Variants in POMGNT2 observed in about 807,000 individuals in gnomAD.
POMGNT2 encodes protein O-linked-mannose beta-1,4-N-acetylglucosaminyltransferase 2.
Under a neutral mutation model 37.8 loss-of-function variants are expected in POMGNT2, and 32 were observed. The ratio of observed to expected loss-of-function variants is 0.85; its 90% CI spans 0.64 to 1.14. POMGNT2 has a LOEUF of 1.14. Ranked by LOEUF, POMGNT2 falls within the 50% of genes most tolerant of loss-of-function variation. The probability of loss-of-function intolerance (pLI) is 0.00; values close to 1 mark genes in which losing one functional copy is unlikely to be tolerated. For missense variants in POMGNT2, 705 were observed against 780.6 expected, an observed-to-expected ratio of 0.90 and a Z score of 1.15; for synonymous variants, 340 against 336.8, an observed-to-expected ratio of 1.01 and a Z score of -0.10.
intron 1 of POMGNT2, among the ~76,000 whole-genome samples, chr3:43,094,899 G>T (rs908637416): frequency 6.6e-6 from 1 of 152,186 alleles, no homozygotes; most frequent in Non-Finnish European, 1.5e-5. Flanking sequence ...CCTGCTGTCC[G>T]TAATCCTGTC....
chr3:43,086,058 G>A (rs2089895575), intron 1 of POMGNT2, among the ~76,000 whole-genome samples: 1 of 146,450 alleles, frequency 6.8e-6, no homozygotes, highest in Non-Finnish European at 1.5e-5. Flanking sequence ...AAGGGATAGG[G>A]ATAAATTTGT....
At chr3:43,090,113 T>C (rs894068402) in intron 1 of POMGNT2, among the ~76,000 whole-genome samples, 1 of 152,238 alleles carries the variant, frequency 6.6e-6, no homozygotes, top group Admixed American at 6.5e-5. Flanking sequence ...CAGTGTTTCC[T>C]CAGTCTTTTC....
chr3:43,087,096 T>C (rs1477686645), intron 1 of POMGNT2, among the ~76,000 whole-genome samples: 1 of 152,066 alleles, frequency 6.6e-6, no homozygotes, highest in African/African-American at 2.4e-5. Context: ...ACCAAAACCA[T>C]TAGAAGCAAA....
At position 43,080,813 on chromosome 3, in the gene POMGNT2, T is replaced by G; in HGVS notation, c.619A>C (p.Lys207Gln). The G allele has an allele frequency of 6.2e-7, 1 of 1,613,882 alleles. No homozygotes were observed. Among genetic ancestry groups the G allele is most frequent in the South Asian group, 1.1e-5 (1 of 91,070 alleles). ...AGAGGCTGCTTGGGGCTGAGCAGCT[T>G]GTAGAGGTCGAAGTGTGCACCCTCG... ...WGEGAHFDLY[K>Q]LLSPKQPLLR... Residue 207 changes from lysine (K) to glutamine (Q), a missense_variant, in exon 2 of 2, where the codon AAG becomes CAG. Coordinates refer to ENST00000344697, the MANE Select transcript of POMGNT2 (RefSeq NM_032806.6).
rs530052017 is a variant in POMGNT2, at chr3:43,084,876, ACTT to A, written c.-105-3343_-105-3341del. On this transcript the variant is annotated intron_variant, in intron 1 of 1. Coordinates refer to ENST00000344697, the MANE Select transcript of POMGNT2 (RefSeq NM_032806.6). Reference sequence around the variant, plus strand: ...CTAAAATTTCCATTTAGTTTTTATAACTTCTTTTTTTTTGCTAAAACTTATCCT... The same window carrying A: ...CTAAAATTTCCATTTAGTTTTTATAACTTTTTTTTTGCTAAAACTTATCCT... 3.8e-3 allele frequency among the ~76,000 whole-genome samples: 572 copies of A among 152,030 alleles called. 5 individuals are homozygous for A. Among genetic ancestry groups the A allele is most frequent in the African/African-American group, 0.012 (514 of 41,484 alleles).
At chr3:43,083,088 C>CT (rs1050862643) in intron 1 of POMGNT2, among the ~76,000 whole-genome samples, 1 of 152,124 alleles carries the variant, frequency 6.6e-6, no homozygotes. Flanking sequence ...CTGGCCTACT[C>CT]TTATCCAAAG....
At chr3:43,087,896 C>T (rs1168421016) in intron 1 of POMGNT2, 3 of 152,178 alleles carry the variant, frequency 2.0e-5, no homozygotes, top group South Asian at 4.1e-4. Context: ...CCCAGCTCCT[C>T]GACCTACTGC....
rs150861298 is a variant in POMGNT2 at position 43,089,678 on chromosome 3, A to G, written c.-105-8142T>C. ...CGCACAGAGGAAGCTGGTGGGTCACACTCTGCATGAAGTGGGCACAGGAGC... is the reference window on the plus strand; with the variant it reads ...CGCACAGAGGAAGCTGGTGGGTCACGCTCTGCATGAAGTGGGCACAGGAGC... On this transcript the variant is annotated intron_variant, in intron 1 of 1. Transcript: ENST00000344697. Among the ~76,000 whole-genome samples, 135 of 152,212 alleles carry G rather than the reference A, an allele frequency of 8.9e-4. 1 individual carries two copies. The highest frequency in any genetic ancestry group is 3.2e-3 in the African/African-American group (132 of 41,532).
chr3:43,095,154 C>T (rs557016690), intron 1 of POMGNT2, among the ~76,000 whole-genome samples: 2 of 152,320 alleles, frequency 1.3e-5, no homozygotes, highest in South Asian at 4.1e-4. Context: ...GGATTCAACA[C>T]CAAGCACGTC....
chr3:43,088,895 T>C (rs1412021279), intron 1 of POMGNT2, among the ~76,000 whole-genome samples: 1 of 152,232 alleles, frequency 6.6e-6, no homozygotes, highest in Non-Finnish European at 1.5e-5. Flanking sequence ...GGATTTTGGC[T>C]TCCCACAGCC....
In POMGNT2 at chr3:43,092,304, T is replaced by C. The variant is rs191847710; in HGVS notation, c.-105-10768A>G. ...AGAAACATGAGTTTTTGTTTTGTTT[T>C]GTTTTTTTGAGACAGGGTCTCACTG... On this transcript the variant is annotated intron_variant, in intron 1 of 1. Coordinates refer to ENST00000344697, the MANE Select transcript of POMGNT2 (RefSeq NM_032806.6). Among the ~76,000 whole-genome samples the C allele has an allele frequency of 7.9e-5, 12 of 152,338 alleles. No individual in the cohort carries two copies. The East Asian group carries it at 2.3e-3, about 29-fold the overall frequency.
chr3:43,087,016 CAGA>C (rs1330154723), intron 1 of POMGNT2, among the ~76,000 whole-genome samples: 2 of 152,078 alleles, frequency 1.3e-5, no homozygotes, highest in Non-Finnish European at 2.9e-5. Context: ...CACGGAGAAA[CAGA>C]AGGCCATGTG....
At chr3:43,085,384 G>A (rs2089889361) in intron 1 of POMGNT2, among the ~76,000 whole-genome samples, 2 of 152,118 alleles carry the variant, frequency 1.3e-5, no homozygotes, top group Admixed American at 1.3e-4. Flanking sequence ...GTTGTGGGAA[G>A]GACCTGGTGT....
intron 1 of POMGNT2, among the ~76,000 whole-genome samples, chr3:43,097,543 G>A (rs2089988905): frequency 6.6e-6 from 1 of 151,992 alleles, no homozygotes; most frequent in East Asian, 1.9e-4. Flanking sequence ...GAGGGAGGTG[G>A]GGAGAGAGAG....
intron 1 of POMGNT2, among the ~76,000 whole-genome samples, chr3:43,102,931 C>A (rs895869625): frequency 2.0e-5 from 3 of 152,138 alleles, no homozygotes; most frequent in African/African-American, 7.2e-5. Context: ...TGGACTGTAA[C>A]TTAGCAACCC....
Position 43,079,961 on chromosome 3 carries a change from GGCACCGTGCCTCCC to G in POMGNT2, c.1457_1470del (p.Arg486ProfsTer23). ...TCGGAGGCGCCATGCACTGACGCCT[GGCACCGTGCCTCCC>G]GCACCTTGCCTGGATATAGGCCGAC... On this transcript the variant is annotated frameshift_variant, in exon 2 of 2. Coordinates refer to ENST00000344697, the MANE Select transcript of POMGNT2 (RefSeq NM_032806.6). LOFTEE classifies it high-confidence loss of function. 1 of 1,613,992 alleles carries G rather than the reference GGCACCGTGCCTCCC, an allele frequency of 6.2e-7. No homozygotes were observed. Among genetic ancestry groups the G allele is most frequent in the Admixed American group, 1.7e-5 (1 of 60,028 alleles).
intron 1 of POMGNT2, among the ~76,000 whole-genome samples, chr3:43,088,672 G>C (rs572623511): frequency 2.3e-4 from 35 of 152,330 alleles, no homozygotes; most frequent in Admixed American, 9.2e-4. Flanking sequence ...CGCATGCCAT[G>C]TTCCTACCCA....
chr3:43,085,590 T>C (rs772902380), intron 1 of POMGNT2, among the ~76,000 whole-genome samples: 2 of 152,154 alleles, frequency 1.3e-5, no homozygotes, highest in Non-Finnish European at 2.9e-5. Flanking sequence ...TCCCCAGCCA[T>C]GTGGAACTGT....
chr3:43,099,927 A>G (rs1287974613), intron 1 of POMGNT2, among the ~76,000 whole-genome samples: 1 of 152,208 alleles, frequency 6.6e-6, no homozygotes, highest in Non-Finnish European at 1.5e-5. Context: ...TTGCAATGAT[A>G]ATCTTTATTT....
Sources: allele counts gnomAD v4.1 joint callset (sites outside exome capture counted in the v4.1 genomes callset), GRCh38; gene constraint gnomAD v4.1.1; transcripts MANE v1.5; gene names NCBI Gene and HGNC (gene_info 2026-07-23, HGNC 2026-07-21).